NIPAL3: variants seen among roughly 807,000 people sequenced by gnomAD.
NIPAL3 encodes NIPA like domain containing 3, also known as NIPA-like protein 3.
A neutral mutation model predicts 47.2 loss-of-function variants in NIPAL3; 41 were observed. That is an observed-to-expected ratio of 0.87 (90% confidence interval 0.68 to 1.13). NIPAL3 has a LOEUF of 1.13. Among genes scored for constraint, NIPAL3 ranks in the 50% most tolerant of loss-of-function variants. The pLI is 0.00. For synonymous variants in NIPAL3, 194 were observed against 209.6 expected, an observed-to-expected ratio of 0.93 and a Z score of 0.64; for missense variants, 449 against 530.1, an observed-to-expected ratio of 0.85 and a Z score of 1.50.
chr1:24,424,851 T>A (rs955170592), intron 2 of NIPAL3, among the ~76,000 whole-genome samples: 2 of 152,164 alleles, frequency 1.3e-5, no homozygotes, highest in Non-Finnish European at 2.9e-5. Context: ...CTCAGAAAAG[T>A]GGTCATGTGG....
At position 24,469,634 on chromosome 1, in the gene NIPAL3, C is replaced by CA. The variant is rs1299248574; in HGVS notation, c.*450dup. On this transcript the variant is annotated 3_prime_UTR_variant, in exon 12 of 12. Coordinates refer to ENST00000374399, the MANE Select transcript of NIPAL3 (RefSeq NM_020448.5). ...ATGTGCATGCCTGATCTCACCCTGA[C>CA]ACTCCTGATGCCGCATCTGTGATAG... is the stretch of plus-strand genomic sequence containing the variant. 21 of 159,388 alleles carry CA rather than the reference C, an allele frequency of 1.3e-4. No homozygotes were observed. Among genetic ancestry groups the CA allele is most frequent in the Admixed American group, 1.1e-3 (18 of 16,734 alleles). The allele number at this position is 159,388 out of a possible 1,614,324, so 9.9% of individuals were successfully genotyped here.
intron 11 of NIPAL3, chr1:24,464,866 A>C (rs990295826): frequency 1.3e-5 from 2 of 152,180 alleles, no homozygotes; most frequent in Non-Finnish European, 2.9e-5. Context: ...CATTAACACA[A>C]TCTCATGAAC....
Position 24,464,085 on chromosome 1 carries a change from C to T in NIPAL3, c.986C>T (p.Pro329Leu), listed in dbSNP as rs982908736. 6.2e-7 allele frequency: 1 copy of T among 1,613,612 alleles called. No individual in the cohort carries two copies. Among genetic ancestry groups the T allele is most frequent in the Non-Finnish European group, 8.5e-7 (1 of 1,179,664 alleles). Reference sequence around the variant, plus strand: ...ACGCGTAACAGGAAGAAGCCCATTCCATTTGAGCCCTATATTTCCATGGAT... The same window carrying T: ...ACGCGTAACAGGAAGAAGCCCATTCTATTTGAGCCCTATATTTCCATGGAT... ...LITRNRKKPI[P>L]FEPYISMDAM... The change falls in exon 11 of 12, where the codon CCA becomes CTA. Residue 329 changes from proline to leucine, a missense_variant. Pro to Leu is a moderately conservative substitution (Grantham distance 98). Coordinates refer to ENST00000374399, the MANE Select transcript of NIPAL3 (RefSeq NM_020448.5).
chr1:24,442,926 C>T (rs6682200), intron 4 of NIPAL3, among the ~76,000 whole-genome samples: 16,446 of 152,248 alleles, frequency 0.11, 905 homozygotes, highest in African/African-American at 0.13. Flanking sequence ...GCTTTGATTA[C>T]ACAATTGCAC....
chr1:24,445,359 C>A, intron 5 of NIPAL3, 115 bp downstream of exon 5: 1 of 712,332 alleles, frequency 1.4e-6, no homozygotes, highest in Non-Finnish European at 2.4e-6. Flanking sequence ...CTCTGTGGTT[C>A]TATGTTCTGC....
At chr1:24,462,609 A>T (rs568720005) in intron 10 of NIPAL3, among the ~76,000 whole-genome samples, 6 of 152,002 alleles carry the variant, frequency 3.9e-5, no homozygotes, top group Admixed American at 1.3e-4. Context: ...TCTACTAAAA[A>T]TACAAAAATT....
Position 24,442,099 on chromosome 1 carries a change from C to G in NIPAL3, c.207C>G (p.Ala69=), listed in dbSNP as rs750162263. 7.4e-5 allele frequency: 119 copies of G among 1,614,116 alleles called. No homozygotes were observed. The highest frequency in any genetic ancestry group is 1.7e-6 in the Non-Finnish European group (2 of 1,180,034). ...IRLAGSKDPR[A]YFKTKTWWLG... is the part of the protein sequence containing the mutation. ...TGGCAGGCTCCAAGGATCCCCGGGC[C>G]TATTTCAAGACCAAGACATGGTGGC... Residue 69 remains alanine, a synonymous_variant, in exon 4 of 12, where the codon GCC becomes GCG. Transcript: ENST00000374399.
chr1:24,432,940 A>G (rs894876019), intron 2 of NIPAL3, among the ~76,000 whole-genome samples: 1 of 152,188 alleles, frequency 6.6e-6, no homozygotes, highest in Non-Finnish European at 1.5e-5. Flanking sequence ...AGTTCTCACG[A>G]TGCCCTATTG....
intron 5 of NIPAL3, among the ~76,000 whole-genome samples, chr1:24,448,390 C>T (rs1021518014): frequency 1.3e-5 from 2 of 152,128 alleles, no homozygotes; most frequent in Admixed American, 6.5e-5. Context: ...GGACCACTAA[C>T]AGTTCTCTGA....
At chr1:24,430,746 T>C (rs1017135801) in intron 2 of NIPAL3, among the ~76,000 whole-genome samples, 2 of 152,234 alleles carry the variant, frequency 1.3e-5, no homozygotes, top group East Asian at 3.8e-4. Context: ...AAAAGGGCAT[T>C]GTCGATTATG....
chr1:24,427,406 C>G (rs1014702174), intron 2 of NIPAL3, among the ~76,000 whole-genome samples: 4 of 152,122 alleles, frequency 2.6e-5, no homozygotes, highest in African/African-American at 9.7e-5. Context: ...TTGATGAAGC[C>G]CTTTGAAATG....
rs1320845920 is a variant in NIPAL3 at position 24,451,349 on chromosome 1, C to T, written c.540+1723C>T. 6.6e-6 allele frequency among the ~76,000 whole-genome samples: 1 copy of T among 152,162 alleles called. No homozygotes were observed. Among genetic ancestry groups the T allele is most frequent in the East Asian group, 1.9e-4 (1 of 5,192 alleles). On this transcript the variant is annotated intron_variant, in intron 6 of 11. Coordinates refer to ENST00000374399, the MANE Select transcript of NIPAL3 (RefSeq NM_020448.5). The surrounding 1 kb of genome is among the most constrained non-coding windows in gnomAD (Gnocchi z 4.5). ...GGACTGTTGGGAGGCACCACATATG[C>T]ACAGCCATCTCATGATATAATGTCC...
intron 2 of NIPAL3, among the ~76,000 whole-genome samples, chr1:24,428,265 A>AGAGAGAGAGAGAGAGAGAGAGG (rs1644704306): frequency 1.7e-5 from 1 of 58,236 alleles, no homozygotes; most frequent in Non-Finnish European, 3.7e-5. Context: ...AGAAAGAGAG[A>AGAGAGAGAGAGAGAGAGAGAGG]GAGAGAGAGA....
In NIPAL3 at chr1:24,471,635, A is replaced by C. The variant is rs2148875573; in HGVS notation, c.*2450A>C. 6.6e-6 allele frequency: 1 copy of C among 151,420 alleles called. No individual in the cohort carries two copies. The highest frequency in any genetic ancestry group is 1.5e-5 in the Non-Finnish European group (1 of 68,092). The allele number at this position is 151,420 out of a possible 1,614,324, so 9.4% of individuals were successfully genotyped here. On this transcript the variant is annotated 3_prime_UTR_variant, in exon 12 of 12. Coordinates refer to ENST00000374399, the MANE Select transcript of NIPAL3 (RefSeq NM_020448.5). ...GAGGCCGAATCATGGAGGGTCTTGA[A>C]TACCTGGCTAAGGAGTTTAAAGTGT...
In NIPAL3 at chr1:24,442,320, C is replaced by T. The variant is rs199526589; in HGVS notation, c.334+94C>T. On this transcript the variant is annotated intron_variant, in intron 4 of 11. Transcript: ENST00000374399. ...GATCAAAGGTGCCCATTGAACAAAC[C>T]AGCTTTAGCTTGGATAATAATAGCC... The T allele has an allele frequency of 5.0e-5, 69 of 1,391,080 alleles. 1 individual carries two copies. In the East Asian group the frequency reaches 1.5e-3, roughly 31 times the overall value. 86.2% of individuals were successfully genotyped at this position (1,391,080 alleles called of 1,614,324 possible). A position where few individuals can be genotyped will look rare whatever the true frequency, so the allele number is the denominator to read the frequency against.
At chr1:24,436,867 A>G (rs560764805) in intron 2 of NIPAL3, among the ~76,000 whole-genome samples, 3 of 152,306 alleles carry the variant, frequency 2.0e-5, no homozygotes, top group East Asian at 1.9e-4. Context: ...GGAAAAGTAC[A>G]TCTACTCCAT....
intron 2 of NIPAL3, among the ~76,000 whole-genome samples, chr1:24,432,665 T>C (rs1441656706): frequency 1.3e-5 from 2 of 152,244 alleles, no homozygotes; most frequent in African/African-American, 2.4e-5. Flanking sequence ...TCTTATCCTC[T>C]GTGCCTCAGC....
In NIPAL3 at chr1:24,464,038, A is replaced by G. The variant is rs775855806; in HGVS notation, c.939A>G (p.Ala313=). The change falls in exon 11 of 12, where the codon GCA becomes GCG. Residue 313 remains alanine, a synonymous_variant. Coordinates refer to ENST00000374399, the MANE Select transcript of NIPAL3 (RefSeq NM_020448.5). ...ICMFALGCLI[A]FLGVFLITRN... ...CTCCATTCCGCAGGTGCCTCATTGC[A>G]TTCTTGGGCGTCTTCTTAATCACGC... 1.2e-5 allele frequency: 20 copies of G among 1,611,804 alleles called. No individual in the cohort carries two copies. Among genetic ancestry groups the G allele is most frequent in the Non-Finnish European group, 1.6e-5 (19 of 1,178,628 alleles).
chr1:24,453,639 C>T (rs2148834616), intron 7 of NIPAL3, 135 bp downstream of exon 7: 1 of 714,040 alleles, frequency 1.4e-6, no homozygotes, highest in Non-Finnish European at 2.4e-6. Context: ...CTGTCTCCAT[C>T]AGTGGCTCTG....
Sources: gnomAD v4.1 joint callset for allele counts (sites outside exome capture counted in the v4.1 genomes callset) on GRCh38, gnomAD v4.1.1 for gene constraint, Gnocchi (gnomAD v3.1) non-coding constraint, MANE v1.5 for transcripts, NCBI Gene and HGNC (gene_info 2026-07-23, HGNC 2026-07-21) for gene names.